MFSD11: variants seen among roughly 807,000 people sequenced by gnomAD.
The protein encoded by MFSD11 is UNC93-like protein MFSD11.
MFSD11 carries 36 observed loss-of-function variants against 53.5 expected under a neutral mutation model. The observed-to-expected ratio is 0.67, with a 90% CI of 0.52 to 0.89. The LOEUF (loss-of-function observed/expected upper bound fraction) is 0.89, where lower values mean the gene tolerates loss of function less well. Ranked by LOEUF, MFSD11 falls within the 40% of genes least tolerant of loss-of-function variation. The pLI, the probability that MFSD11 is intolerant of heterozygous loss-of-function variation, is 0.00. For synonymous variants in MFSD11, 186 were observed against 184.9 expected, an observed-to-expected ratio of 1.01 and a Z score of -0.05; for missense variants, 530 against 543.9, an observed-to-expected ratio of 0.97 and a Z score of 0.25.
chr17:76,803,080 CG>C, the MFSD11 span, among the ~76,000 whole-genome samples: 2 of 151,974 alleles, frequency 1.3e-5, no homozygotes, highest in South Asian at 4.1e-4. Context: ...GGTGTGAACC[CG>C]GGAGGCAGAG....
intron 7 of MFSD11, among the ~76,000 whole-genome samples, chr17:76,745,902 A>C (rs1462945395): frequency 6.6e-6 from 1 of 152,120 alleles, no homozygotes; most frequent in Non-Finnish European, 1.5e-5. Flanking sequence ...ATCTCGGCTC[A>C]CTGCAGCCTC....
intron 7 of MFSD11, among the ~76,000 whole-genome samples, chr17:76,747,383 GGAGTGCAAT>G (rs1315325737): frequency 1.3e-5 from 2 of 151,638 alleles, no homozygotes; most frequent in Admixed American, 1.3e-4. Context: ...CACCCAGGCT[GGAGTGCAAT>G]GGCGTAGTCT....
chr17:76,743,394 C>G lies in MFSD11; in HGVS notation c.438-4C>G, dbSNP rs376545098. 4 of 1,573,676 alleles carry G rather than the reference C, an allele frequency of 2.5e-6. No homozygotes were observed. Among genetic ancestry groups the G allele is most frequent in the Non-Finnish European group, 3.4e-6 (4 of 1,159,910 alleles). On this transcript the variant is annotated splice_polypyrimidine_tract_variant and splice_region_variant and intron_variant, in intron 5 of 12. Transcript: ENST00000685175. The stretch of plus-strand genomic sequence containing the variant: ...ACATCCTATCCTCCCTTTTCTTCCC[C>G]CAGCTTGTTCTTTGGAAATCTCTAC...
intron 8 of MFSD11, among the ~76,000 whole-genome samples, chr17:76,761,632 T>G (rs2080242728): frequency 6.6e-6 from 1 of 152,100 alleles, no homozygotes; most frequent in African/African-American, 2.4e-5. Context: ...GAGATATAAT[T>G]CATATACTGG....
intron 8 of MFSD11, among the ~76,000 whole-genome samples, chr17:76,754,364 T>C (rs2079364513): frequency 6.6e-6 from 1 of 151,930 alleles, no homozygotes; most frequent in South Asian, 2.1e-4. Flanking sequence ...TTGAGAGTCT[T>C]CCTGGGATTT....
intron 8 of MFSD11, among the ~76,000 whole-genome samples, chr17:76,755,039 G>A (rs1009922145): frequency 1.3e-4 from 20 of 152,140 alleles, no homozygotes; most frequent in Non-Finnish European, 2.6e-4. Flanking sequence ...CCAACATGGC[G>A]AAACCCCATC....
At chr17:76,754,149 C>T in intron 8 of MFSD11, 62 bp downstream of exon 8, 2 of 1,389,730 alleles carry the variant, frequency 1.4e-6, no homozygotes, top group Non-Finnish European at 2.0e-6. Context: ...ATTTGCCTTT[C>T]CCCTATTCCC....
At chr17:76,738,892 G>A (rs759965656) in intron 1 of MFSD11, 46 bp from the exon 2 acceptor site, 149 of 1,505,376 alleles carry the variant, frequency 9.9e-5, no homozygotes, top group Non-Finnish European at 1.2e-4. Context: ...AGGGTGGGAG[G>A]GAGACTGCAA....
chr17:76,736,647 G>C (rs566309566), upstream of MFSD11: 62 of 1,178,756 alleles, frequency 5.3e-5, 3 homozygotes, highest in South Asian at 1.3e-3. Context: ...GACGGCGGAA[G>C]CTCGCGGGGT....
At chr17:76,796,625 C>T in the MFSD11 span, among the ~76,000 whole-genome samples, 1 of 152,010 alleles carries the variant, frequency 6.6e-6, no homozygotes, top group Non-Finnish European at 1.5e-5. Context: ...CTACCATTAC[C>T]AGAAAGGGAT....
chr17:76,756,652 G>A (rs911795901), intron 8 of MFSD11, among the ~76,000 whole-genome samples: 94 of 151,894 alleles, frequency 6.2e-4, no homozygotes, highest in African/African-American at 1.8e-3. Context: ...CTTGAGGTCC[G>A]GCATTCAAGA....
intron 8 of MFSD11, among the ~76,000 whole-genome samples, chr17:76,755,812 A>ATTT (rs552254902): frequency 2.0e-4 from 4 of 19,514 alleles, no homozygotes; most frequent in Admixed American, 9.9e-4. Flanking sequence ...ATATATATAT[A>ATTT]TTTTTTTTTT....
At chr17:76,783,521 G>A (rs2082222763), downstream of MFSD11, among the ~76,000 whole-genome samples, 3 of 152,072 alleles carry the variant, frequency 2.0e-5, no homozygotes. Flanking sequence ...TTGTTGGTTG[G>A]TTGGTTTGTT....
At chr17:76,761,205 T>TG (rs2080199049) in intron 8 of MFSD11, among the ~76,000 whole-genome samples, 1 of 152,080 alleles carries the variant, frequency 6.6e-6, no homozygotes, top group Non-Finnish European at 1.5e-5. Context: ...GACTCCATCT[T>TG]GGGGAAGACT....
upstream of MFSD11, chr17:76,737,327 C>T (rs1051713309): frequency 5.6e-6 from 5 of 900,442 alleles, no homozygotes; most frequent in African/African-American, 5.0e-5. Flanking sequence ...ACCTGAGTAA[C>T]AACTGGGCGG....
chr17:76,760,251 C>T (rs113306076), intron 8 of MFSD11, among the ~76,000 whole-genome samples: 3,017 of 150,000 alleles, frequency 0.02, 52 homozygotes, highest in Non-Finnish European at 0.029. Flanking sequence ...TCACTCCAGC[C>T]TGGGCAAAAG....
intron 10 of MFSD11, among the ~76,000 whole-genome samples, chr17:76,771,004 A>C (rs1475150838): frequency 6.6e-6 from 1 of 152,220 alleles, no homozygotes; most frequent in Non-Finnish European, 1.5e-5. Context: ...CAGGAGTTCG[A>C]GATCAGCCTG....
intron 7 of MFSD11, among the ~76,000 whole-genome samples, chr17:76,744,968 C>T (rs8080200): frequency 0.051 from 7,822 of 152,214 alleles, 618 homozygotes; most frequent in African/African-American, 0.17. Context: ...CTTACATAGG[C>T]GGTTTTCCCC....
chr17:76,750,598 C>T (rs1028713461), intron 7 of MFSD11, among the ~76,000 whole-genome samples: 14 of 151,898 alleles, frequency 9.2e-5, no homozygotes, highest in African/African-American at 2.2e-4. Flanking sequence ...CCTCGTGATC[C>T]GCCCACCTCA....
Sources: allele counts gnomAD v4.1 joint callset (sites outside exome capture counted in the v4.1 genomes callset), GRCh38; gene constraint gnomAD v4.1.1; transcripts MANE v1.5; gene names NCBI Gene and HGNC (gene_info 2026-07-23, HGNC 2026-07-21).